The following SPATA33 variants were observed in gnomAD, a reference collection of about 807,000 sequenced individuals.
The protein encoded by SPATA33 is spermatogenesis associated 33.
SPATA33 carries 10 observed loss-of-function variants against 8.9 expected under a neutral mutation model. The ratio of observed to expected loss-of-function variants is 1.12; its 90% confidence interval spans 0.69 to 1.90. The LOEUF (loss-of-function observed/expected upper bound fraction) is 1.90. Ranked by LOEUF, SPATA33 falls within the 40% of genes most tolerant of loss-of-function variation. SPATA33 has a pLI of 0.00. For missense variants in SPATA33, 241 were observed against 178.3 expected, an observed-to-expected ratio of 1.35 and a Z score of -2.00; for synonymous variants, 96 against 72.8, an observed-to-expected ratio of 1.32 and a Z score of -1.63.
chr16:89,669,545 G>C lies in SPATA33; in HGVS notation c.*48G>C. 6.3e-7 allele frequency: 1 copy of C among 1,577,164 alleles called. No individual in the cohort carries two copies. The highest frequency in any genetic ancestry group is 8.7e-7 in the Non-Finnish European group (1 of 1,154,804). On this transcript the variant is annotated 3_prime_UTR_variant, in exon 3 of 3. Coordinates refer to ENST00000579310, the MANE Select transcript of SPATA33 (RefSeq NM_001271907.2). ...CGCTACTCCCTGCGATAGGCGTCTC[G>C]GGAACAGCCGCCTCACCCTGTGAGA...
chr16:89,664,995 G>C (rs997960642), intron 2 of SPATA33, among the ~76,000 whole-genome samples: 1 of 152,196 alleles, frequency 6.6e-6, no homozygotes, highest in African/African-American at 2.4e-5. Context: ...CTTGAGAAGA[G>C]TCACATTTAT....
intron 2 of SPATA33, chr16:89,660,377 G>C (rs2059950577): frequency 1.1e-6 from 1 of 926,490 alleles, no homozygotes; most frequent in Non-Finnish European, 1.4e-6. Context: ...ACCTCTGCCA[G>C]TAACGGAAGT....
In SPATA33 at chr16:89,669,328, T is replaced by A. The variant is rs2060066424; in HGVS notation, c.254T>A (p.Val85Asp). ...CAAAAGTCCAGCAGGAAGAAAGTGG[T>A]CGTTCCACAGATCATCATCACGCGA... ...VKQKSSRKKV[V>D]VPQIIITRAS... The change falls in exon 3 of 3, where the codon GTC becomes GAC. Residue 85 changes from valine to aspartate, a missense_variant. Coordinates refer to ENST00000579310, the MANE Select transcript of SPATA33 (RefSeq NM_001271907.2). The A allele has an allele frequency of 1.9e-6, 3 of 1,614,204 alleles. No homozygotes were observed. The South Asian group carries it at 3.3e-5, about 18-fold the overall frequency.
chr16:89,665,285 G>A (rs559681393), intron 2 of SPATA33, among the ~76,000 whole-genome samples: 56 of 150,722 alleles, frequency 3.7e-4, no homozygotes, highest in African/African-American at 9.5e-4. Context: ...GTGAGCCACC[G>A]CACCTGGCCC....
At chr16:89,658,713 G>T (rs2059921846) in intron 2 of SPATA33, 4 of 448,888 alleles carry the variant, frequency 8.9e-6, no homozygotes, top group Non-Finnish European at 1.6e-5. Context: ...CTCCTCGAGG[G>T]CTGGGTATCT....
chr16:89,660,419 C>G, intron 2 of SPATA33: 1 of 1,218,150 alleles, frequency 8.2e-7, no homozygotes, highest in Non-Finnish European at 1.0e-6. Context: ...TGGAAGGGCC[C>G]CAGCAGTGTC....
At chr16:89,667,787 C>T (rs1341006494) in intron 2 of SPATA33, among the ~76,000 whole-genome samples, 4 of 152,242 alleles carry the variant, frequency 2.6e-5, no homozygotes, top group South Asian at 4.1e-4. Context: ...CTGAATACCC[C>T]GTCTGACTAG....
At chr16:89,665,577 G>C (rs916594924) in intron 2 of SPATA33, among the ~76,000 whole-genome samples, 1 of 151,830 alleles carries the variant, frequency 6.6e-6, no homozygotes, top group Non-Finnish European at 1.5e-5. Context: ...GCCTCCCAAG[G>C]TGCTGGGATT....
chr16:89,658,500 A>T (rs1388846314), intron 2 of SPATA33, 79 bp downstream of exon 2: 1 of 1,506,240 alleles, frequency 6.6e-7, no homozygotes, highest in Non-Finnish European at 8.9e-7. Context: ...CTACTGTAAG[A>T]CCCTACCGGA....
At chr16:89,660,602 C>A (rs767222636) in intron 2 of SPATA33, 14 of 1,191,808 alleles carry the variant, frequency 1.2e-5, no homozygotes, top group Non-Finnish European at 1.5e-5. Context: ...TGAAGGAGTC[C>A]CAAAGGTGGG....
At chr16:89,658,122 G>A in intron 1 of SPATA33, 126 bp from the exon 2 acceptor site, 1 of 1,516,574 alleles carries the variant, frequency 6.6e-7, no homozygotes, top group Non-Finnish European at 8.8e-7. Context: ...AGGCGGTTAC[G>A]GAAACGCGGA....
At chr16:89,664,752 C>A (rs1476923296) in intron 2 of SPATA33, among the ~76,000 whole-genome samples, 1 of 152,134 alleles carries the variant, frequency 6.6e-6, no homozygotes, top group African/African-American at 2.4e-5. Flanking sequence ...ATTCCTTGAA[C>A]CGGGAATAAA....
At chr16:89,658,488 G>GC in intron 2 of SPATA33, 67 bp downstream of exon 2, 1 of 1,536,086 alleles carries the variant, frequency 6.5e-7, no homozygotes, top group Non-Finnish European at 8.8e-7. Flanking sequence ...GGGGTGAGGA[G>GC]CCTACTGTAA....
rs1412889525 is a variant in SPATA33 at position 89,657,876 on chromosome 16, C to T, written c.-36C>T. 7.9e-6 allele frequency: 12 copies of T among 1,515,044 alleles called. No homozygotes were observed. The highest frequency in any genetic ancestry group is 2.6e-5 in the East Asian group (1 of 37,928). 93.9% of individuals were successfully genotyped at this position (1,515,044 alleles called of 1,614,324 possible). A position where few individuals can be genotyped will look rare whatever the true frequency, so the allele number is the denominator to read the frequency against. ...CTCCGCGGCCGCGGAGGTGTGGGGA[C>T]CCGGGCTTGCGTCGGAGGGGGCGGT... On this transcript the variant is annotated 5_prime_UTR_variant, in exon 1 of 3. Transcript: ENST00000579310.
At chr16:89,658,584 A>G in intron 2 of SPATA33, 163 bp downstream of exon 2, 1 of 870,956 alleles carries the variant, frequency 1.1e-6, no homozygotes, top group Non-Finnish European at 1.7e-6. Context: ...GGAGGTAAAT[A>G]TCCAGAAATC....
chr16:89,667,439 A>T (rs2060041436), intron 2 of SPATA33, among the ~76,000 whole-genome samples: 1 of 152,168 alleles, frequency 6.6e-6, no homozygotes, highest in Non-Finnish European at 1.5e-5. Flanking sequence ...ATCTAGTATA[A>T]CTATTCTTAT....
intron 2 of SPATA33, among the ~76,000 whole-genome samples, chr16:89,664,522 A>G (rs1182389860): frequency 6.6e-6 from 1 of 152,122 alleles, no homozygotes; most frequent in Admixed American, 6.6e-5. Flanking sequence ...GCCCGACCTG[A>G]TCAGGGAAGC....
At chr16:89,659,851 G>A (rs1194011828) in intron 2 of SPATA33, 1 of 152,306 alleles carries the variant, frequency 6.6e-6, no homozygotes, top group Non-Finnish European at 1.5e-5. Context: ...CTTGGACTTG[G>A]AAGAAAGACT....
At chr16:89,663,617 G>A (rs1162834734) in intron 2 of SPATA33, among the ~76,000 whole-genome samples, 2 of 152,130 alleles carry the variant, frequency 1.3e-5, no homozygotes, top group Non-Finnish European at 2.9e-5. Flanking sequence ...GATTGCTAGG[G>A]CCTTGGCGTT....
Sources: gnomAD v4.1 joint callset for allele counts (sites outside exome capture counted in the v4.1 genomes callset) on GRCh38, gnomAD v4.1.1 for gene constraint, MANE v1.5 for transcripts, NCBI Gene and HGNC (gene_info 2026-07-23, HGNC 2026-07-21) for gene names.